RANBP17: variants seen among roughly 807,000 people sequenced by gnomAD.
RANBP17 encodes RAN binding protein 17.
In RANBP17, 158 loss-of-function variants were observed where a neutral mutation model predicts 141.2. The ratio of observed to expected loss-of-function variants is 1.12; its 90% CI spans 0.98 to 1.28. The LOEUF is 1.28. Among genes scored for constraint, RANBP17 ranks in the 50% most tolerant of loss-of-function variants. The pLI, the probability that RANBP17 is intolerant of heterozygous loss-of-function variation, is 0.00. For missense variants in RANBP17, 1,438 were observed against 1,290.7 expected, an observed-to-expected ratio of 1.11 and a Z score of -1.75; for synonymous variants, 430 against 450.0, an observed-to-expected ratio of 0.96 and a Z score of 0.56.
intron 3 of RANBP17, among the ~76,000 whole-genome samples, chr5:170,888,122 T>C (rs1769304710): frequency 6.6e-6 from 1 of 152,234 alleles, no homozygotes; most frequent in South Asian, 2.1e-4. Context: ...GTGTCAGTCT[T>C]CCAACTTTGT....
intron 14 of RANBP17, among the ~76,000 whole-genome samples, chr5:171,061,979 A>C (rs568465178): frequency 0.027 from 4,165 of 151,838 alleles, 173 homozygotes; most frequent in African/African-American, 0.092. Flanking sequence ...CTAGGATTGC[A>C]ACCCCTGCCT....
chr5:171,295,959 T>C lies in RANBP17; in HGVS notation c.3115T>C (p.Phe1039Leu), dbSNP rs1373779194. The C allele has an allele frequency of 1.9e-6, 3 of 1,613,928 alleles. No individual in the cohort carries two copies. Among genetic ancestry groups the C allele is most frequent in the Non-Finnish European group, 2.5e-6 (3 of 1,179,860 alleles). Residue 1039 changes from phenylalanine to leucine, a missense_variant, in exon 27 of 28, where the codon TTC becomes CTC. Physicochemically the swap from Phe to Leu is conservative, Grantham distance 22. Transcript: ENST00000523189. ...LPKQEVLAQCFRNLMEGVEQN... is the reference protein window; with the variant it reads ...LPKQEVLAQCLRNLMEGVEQN... ...CAAGCAGGAGGTCCTTGCCCAGTGC[T>C]TCAGAAACCTAATGGAAGGAGTGGA...
intron 14 of RANBP17, among the ~76,000 whole-genome samples, chr5:171,032,637 C>T (rs1472994864): frequency 1.3e-5 from 2 of 152,074 alleles, no homozygotes; most frequent in Admixed American, 6.6e-5. Context: ...TATATTAAGT[C>T]ATTTTGATAT....
intron 14 of RANBP17, among the ~76,000 whole-genome samples, chr5:171,079,302 A>G (rs1367257691): frequency 6.6e-6 from 1 of 152,212 alleles, no homozygotes; most frequent in African/African-American, 2.4e-5. Context: ...TGAATAAACA[A>G]ATAAAATGGT....
At chr5:170,957,902 A>T (rs1369787630) in intron 13 of RANBP17, among the ~76,000 whole-genome samples, 1 of 152,188 alleles carries the variant, frequency 6.6e-6, no homozygotes, top group Non-Finnish European at 1.5e-5. Flanking sequence ...ATTGACCAAA[A>T]TGTTGTCACC....
At chr5:170,927,908 A>G (rs1424207681) in intron 12 of RANBP17, among the ~76,000 whole-genome samples, 2 of 152,070 alleles carry the variant, frequency 1.3e-5, no homozygotes, top group Non-Finnish European at 2.9e-5. Flanking sequence ...GTGCTGGGTC[A>G]TATGGTAAAT....
chr5:171,258,118 TACACACACACACACACACACACAC>T (rs34304503), intron 24 of RANBP17, among the ~76,000 whole-genome samples: 4 of 128,286 alleles, frequency 3.1e-5, no homozygotes, highest in African/African-American at 5.9e-5. Flanking sequence ...AAAAAAAAAA[TACACACACACACACACACACACAC>T]ACACACACAC....
At chr5:171,229,760 A>G (rs1426500584) in intron 22 of RANBP17, among the ~76,000 whole-genome samples, 1 of 118,812 alleles carries the variant, frequency 8.4e-6, no homozygotes, top group Non-Finnish European at 1.7e-5. Context: ...ATGCAAAAGG[A>G]AAAAAAAAAA....
chr5:171,233,174 TA>T (rs977945659), intron 22 of RANBP17, among the ~76,000 whole-genome samples: 4 of 151,832 alleles, frequency 2.6e-5, no homozygotes, highest in African/African-American at 7.3e-5. Flanking sequence ...CCCGTCTCTA[TA>T]AAAAAAATTA....
At chr5:171,029,359 A>G (rs191556942) in intron 14 of RANBP17, among the ~76,000 whole-genome samples, 6 of 152,252 alleles carry the variant, frequency 3.9e-5, no homozygotes, top group Non-Finnish European at 1.5e-5. Flanking sequence ...TTTATGCGTA[A>G]GAGTTTAGAA....
intron 21 of RANBP17, among the ~76,000 whole-genome samples, chr5:171,220,902 CATA>C (rs1264941916): frequency 1.3e-5 from 2 of 152,096 alleles, no homozygotes; most frequent in African/African-American, 2.4e-5. Context: ...CAATCATGTT[CATA>C]ATAATATTTC....
chr5:171,094,767 G>A (rs140775236), intron 14 of RANBP17, among the ~76,000 whole-genome samples: 355 of 152,268 alleles, frequency 2.3e-3, no homozygotes, highest in African/African-American at 7.8e-3. Context: ...AGAGGAATGC[G>A]TTCATTTTGT....
chr5:171,194,955 A>G (rs1761875534), intron 18 of RANBP17, among the ~76,000 whole-genome samples: 1 of 152,264 alleles, frequency 6.6e-6, no homozygotes, highest in Admixed American at 6.5e-5. Flanking sequence ...CTGAAGGAAA[A>G]AAAATGTTTA....
rs1399923877 is a variant in RANBP17, at chr5:170,924,538, A to G, written c.1456A>G (p.Thr486Ala). Residue 486 changes from threonine (T) to alanine (A), a missense_variant, in exon 12 of 28, where the codon ACC becomes GCC. Thr to Ala is a moderately conservative substitution (Grantham distance 58). Transcript: ENST00000523189. ...ATATTCTGGTGTAACTGTGGACATCACCATTCAGGAAGGTCAGTAAACTTT... is the reference window on the plus strand; with the variant it reads ...ATATTCTGGTGTAACTGTGGACATCGCCATTCAGGAAGGTCAGTAAACTTT... Reference protein sequence around the residue: ...HPYSGVTVDITIQEGRLAWLV... With the variant: ...HPYSGVTVDIAIQEGRLAWLV... The G allele has an allele frequency of 6.3e-7, 1 of 1,597,324 alleles. No individual in the cohort carries two copies. Among genetic ancestry groups the G allele is most frequent in the Non-Finnish European group, 8.6e-7 (1 of 1,166,780 alleles).
At chr5:170,878,999 T>A (rs1768426350) in intron 2 of RANBP17, among the ~76,000 whole-genome samples, 1 of 152,210 alleles carries the variant, frequency 6.6e-6, no homozygotes, top group African/African-American at 2.4e-5. Context: ...ACAGACTTTT[T>A]AATAATACAG....
chr5:170,969,109 TTTATC>T (rs1331058985), intron 14 of RANBP17, among the ~76,000 whole-genome samples: 1 of 151,854 alleles, frequency 6.6e-6, no homozygotes, highest in Non-Finnish European at 1.5e-5. Context: ...TTTTAGCTGT[TTTATC>T]TTAGGAAATG....
At position 171,013,721 on chromosome 5, in the gene RANBP17, A is replaced by T. The variant is rs75052983; in HGVS notation, c.1710+45344A>T. Among the ~76,000 whole-genome samples, 1,463 of 152,206 alleles carry T rather than the reference A, an allele frequency of 9.6e-3. 60 individuals are homozygous for T. Among genetic ancestry groups the T allele is most frequent in the East Asian group, 0.08 (416 of 5,174 alleles). ...ACCTCCAAATTCGATATTCTTTTTT[A>T]AAAATGGCTTTGGCTATTTTAGTTT... On this transcript the variant is annotated intron_variant, in intron 14 of 27. Transcript: ENST00000523189.
chr5:170,924,581 TATG>T, intron 12 of RANBP17, 31 bp downstream of exon 12: 2 of 1,332,336 alleles, frequency 1.5e-6, no homozygotes, highest in Non-Finnish European at 1.1e-6. Context: ...TACTGAGTAT[TATG>T]TTGAATATTA....
intron 14 of RANBP17, among the ~76,000 whole-genome samples, chr5:171,019,679 A>G (rs1475996838): frequency 6.6e-6 from 1 of 151,378 alleles, no homozygotes; most frequent in Non-Finnish European, 1.5e-5. Context: ...CTAGAGGCAT[A>G]TCTATTTTGT....
Sources: allele counts gnomAD v4.1 joint callset (sites outside exome capture counted in the v4.1 genomes callset), GRCh38; gene constraint gnomAD v4.1.1; transcripts MANE v1.5; gene names NCBI Gene and HGNC (gene_info 2026-07-23, HGNC 2026-07-21).